Variants in DPP10 observed in about 807,000 individuals in gnomAD.
DPP10 encodes the protein dipeptidyl peptidase like 10, also known as inactive dipeptidyl peptidase 10.
In DPP10, 33 loss-of-function variants were observed where a neutral mutation model predicts 120.9. The ratio of observed to expected loss-of-function variants is 0.27; its 90% CI spans 0.21 to 0.37. DPP10 has a LOEUF of 0.37. DPP10 is among the 10% of genes least tolerant of loss of function. The pLI is 1.00. For synonymous variants in DPP10, 337 were observed against 326.1 expected (o/e 1.03, Z -0.36); for missense variants, 816 against 942.8 (o/e 0.87, Z 1.76).
chr2:115,620,904 C>T (rs983806591), intron 5 of DPP10, among the ~76,000 whole-genome samples: 5 of 152,232 alleles, frequency 3.3e-5, no homozygotes, highest in South Asian at 2.1e-4. Context: ...ACGTGGTCAA[C>T]GTAGTATATG....
intron 11 of DPP10, among the ~76,000 whole-genome samples, chr2:115,758,477 A>G (rs975216059): frequency 6.6e-6 from 1 of 152,154 alleles, no homozygotes; most frequent in African/African-American, 2.4e-5. Flanking sequence ...AAGCTATTCC[A>G]TGTTTTTAAA....
At chr2:115,676,843 T>G (rs1305790612) in intron 5 of DPP10, among the ~76,000 whole-genome samples, 1 of 152,150 alleles carries the variant, frequency 6.6e-6, no homozygotes, top group Non-Finnish European at 1.5e-5. Context: ...AGCTCAAATA[T>G]TTCCATGTAG....
intron 5 of DPP10, among the ~76,000 whole-genome samples, chr2:115,550,403 A>T (rs964958913): frequency 6.6e-6 from 1 of 152,128 alleles, no homozygotes; most frequent in African/African-American, 2.4e-5. Context: ...ACATGTTTTC[A>T]GAATGACAGC....
intron 1 of DPP10, among the ~76,000 whole-genome samples, chr2:114,580,339 G>A (rs1385357621): frequency 6.6e-6 from 1 of 152,162 alleles, no homozygotes; most frequent in Non-Finnish European, 1.5e-5. Context: ...TTTCTATTCA[G>A]TGTAATTATC....
intron 1 of DPP10, among the ~76,000 whole-genome samples, chr2:114,627,678 A>C (rs1254878966): frequency 6.6e-6 from 1 of 152,084 alleles, no homozygotes; most frequent in Non-Finnish European, 1.5e-5. Context: ...ATTGGATGTA[A>C]TTTGGAGATT....
intron 1 of DPP10, among the ~76,000 whole-genome samples, chr2:114,989,134 G>C (rs1700606844): frequency 6.6e-6 from 1 of 152,130 alleles, no homozygotes; most frequent in South Asian, 2.1e-4. Flanking sequence ...GAGGGGTGAG[G>C]TCAGGGCTGC....
chr2:115,147,997 G>C (rs1416786972), intron 1 of DPP10, among the ~76,000 whole-genome samples: 2 of 152,052 alleles, frequency 1.3e-5, no homozygotes, highest in Admixed American at 1.3e-4. Flanking sequence ...GTATAAGAAA[G>C]GAATCTTAGA....
In DPP10 at chr2:115,383,743, T is replaced by A. The variant is rs114177739; in HGVS notation, c.271+39831T>A. Reference sequence around the variant, plus strand: ...ATGCATTTAAATATATTTAATAATTTGATTTTTAATGTGTATCTCTTATAT... The same window carrying A: ...ATGCATTTAAATATATTTAATAATTAGATTTTTAATGTGTATCTCTTATAT... On this transcript the variant is annotated intron_variant, in intron 3 of 25. Coordinates refer to ENST00000410059, the MANE Select transcript of DPP10 (RefSeq NM_020868.6). 5.4e-3 allele frequency among the ~76,000 whole-genome samples: 818 copies of A among 152,256 alleles called. 8 individuals are homozygous for A. Among genetic ancestry groups the A allele is most frequent in the African/African-American group, 0.019 (773 of 41,552 alleles).
intron 1 of DPP10, among the ~76,000 whole-genome samples, chr2:114,644,077 G>T (rs1187960208): frequency 1.3e-5 from 2 of 149,492 alleles, no homozygotes; most frequent in Non-Finnish European, 3.0e-5. Flanking sequence ...TGGGATTACA[G>T]GTGCCCGCCA....
At chr2:115,024,853 A>C (rs1281285847) in intron 1 of DPP10, among the ~76,000 whole-genome samples, 1 of 148,890 alleles carries the variant, frequency 6.7e-6, no homozygotes, top group African/African-American at 2.4e-5. Flanking sequence ...GTGTATCTAT[A>C]TATATATATA....
chr2:115,675,468 A>G (rs2090183274), intron 5 of DPP10, among the ~76,000 whole-genome samples: 1 of 152,148 alleles, frequency 6.6e-6, no homozygotes, highest in Non-Finnish European at 1.5e-5. Flanking sequence ...AGGATGTTTA[A>G]GGGAGAACAA....
chr2:115,731,247 ACT>A (rs1457789071), intron 8 of DPP10, among the ~76,000 whole-genome samples: 2 of 151,972 alleles, frequency 1.3e-5, no homozygotes, highest in East Asian at 3.9e-4. Context: ...AATCCCAGCT[ACT>A]CGGGAGGCTG....
intron 1 of DPP10, among the ~76,000 whole-genome samples, chr2:115,110,271 G>T (rs2049149328): frequency 6.6e-6 from 1 of 152,166 alleles, no homozygotes; most frequent in African/African-American, 2.4e-5. Context: ...CAGAGCTTTT[G>T]TACCACCAGG....
chr2:115,585,524 A>C (rs529184231), intron 5 of DPP10, among the ~76,000 whole-genome samples: 2 of 152,306 alleles, frequency 1.3e-5, no homozygotes, highest in African/African-American at 4.8e-5. Context: ...CACATTGAAT[A>C]AAAAAGGTAA....
intron 1 of DPP10, among the ~76,000 whole-genome samples, chr2:114,783,702 C>T (rs891308018): frequency 1.3e-5 from 2 of 151,976 alleles, no homozygotes; most frequent in South Asian, 2.1e-4. Context: ...GGTGAGGTGG[C>T]GCACACCTGT....
chr2:115,401,439 C>G (rs758747392), intron 3 of DPP10, among the ~76,000 whole-genome samples: 3 of 151,998 alleles, frequency 2.0e-5, no homozygotes, highest in Non-Finnish European at 2.9e-5. Context: ...TAAAATGTAT[C>G]TGGGCTAGTG....
intron 1 of DPP10, among the ~76,000 whole-genome samples, chr2:114,517,481 C>T (rs2104625791): frequency 6.7e-6 from 1 of 149,136 alleles, no homozygotes; most frequent in African/African-American, 2.5e-5. Context: ...GATCACGCCA[C>T]TGCACTCCAG....
intron 5 of DPP10, among the ~76,000 whole-genome samples, chr2:115,603,178 C>G: frequency 7.0e-6 from 1 of 143,592 alleles, no homozygotes. Context: ...GTATAGTCAT[C>G]TGCAAGTTGA....
chr2:114,987,798 G>A lies in DPP10; in HGVS notation c.61-321441G>A, dbSNP rs566671101. Among the ~76,000 whole-genome samples the A allele has an allele frequency of 8.5e-4, 20 of 23,640 alleles. No individual in the cohort carries two copies. In the South Asian group the frequency reaches 0.03, roughly 36 times the overall value. The allele number at this position is 23,640 out of a possible 152,430, so 15.5% of individuals were successfully genotyped here. ...CAAGACTATACTCCTTGAGTGTGGAGACTGTCTTTTTTTTTTTTATTTTGA... is the reference window on the plus strand; with the variant it reads ...CAAGACTATACTCCTTGAGTGTGGAAACTGTCTTTTTTTTTTTTATTTTGA... On this transcript the variant is annotated intron_variant, in intron 1 of 25. Transcript: ENST00000410059.
Sources: gnomAD v4.1 joint callset for allele counts (sites outside exome capture counted in the v4.1 genomes callset) on GRCh38, gnomAD v4.1.1 for gene constraint, MANE v1.5 for transcripts, NCBI Gene and HGNC (gene_info 2026-07-23, HGNC 2026-07-21) for gene names.